SHISA9: variants seen among roughly 807,000 people sequenced by gnomAD.
The protein encoded by SHISA9 is shisa family member 9.
SHISA9 carries 13 observed loss-of-function variants against 38.0 expected under a neutral mutation model. The ratio of observed to expected loss-of-function variants is 0.34; its 90% CI spans 0.22 to 0.54. SHISA9 has a LOEUF of 0.54. SHISA9 is among the 20% of genes least tolerant of loss of function. SHISA9 has a pLI of 0.91. For synonymous variants in SHISA9, 275 were observed against 242.0 expected (o/e 1.14, Z -1.27); for missense variants, 538 against 575.8 (o/e 0.93, Z 0.67).
chr16:13,360,279 C>T, the SHISA9 span, among the ~76,000 whole-genome samples: 1 of 152,212 alleles, frequency 6.6e-6, no homozygotes, highest in South Asian at 2.1e-4. Context: ...CTGACGGTGT[C>T]CCACTTCAGT....
At chr16:12,941,231 A>C (rs568186016) in intron 2 of SHISA9, among the ~76,000 whole-genome samples, 1 of 152,104 alleles carries the variant, frequency 6.6e-6, no homozygotes, top group African/African-American at 2.4e-5. Flanking sequence ...TGTGCCTGTA[A>C]TCCTAGCTAC....
intron 2 of SHISA9, among the ~76,000 whole-genome samples, chr16:13,086,688 C>A (rs1802171625): frequency 6.6e-6 from 1 of 152,110 alleles, no homozygotes; most frequent in African/African-American, 2.4e-5. Flanking sequence ...AGAAAAAGAA[C>A]ATGTCAAGGC....
chr16:13,150,997 C>T (rs1202525913), intron 2 of SHISA9, among the ~76,000 whole-genome samples: 1 of 152,336 alleles, frequency 6.6e-6, no homozygotes, highest in East Asian at 1.9e-4. Context: ...AGTTACTCTA[C>T]CCCAATTATT....
At chr16:13,024,924 A>G (rs2072902204) in intron 2 of SHISA9, among the ~76,000 whole-genome samples, 1 of 152,158 alleles carries the variant, frequency 6.6e-6, no homozygotes, top group Non-Finnish European at 1.5e-5. Flanking sequence ...CATCTGTCAA[A>G]TGCAAGTGTG....
At chr16:13,272,735 G>A in the SHISA9 span, among the ~76,000 whole-genome samples, 1 of 152,168 alleles carries the variant, frequency 6.6e-6, no homozygotes, top group Non-Finnish European at 1.5e-5. Context: ...AGAATGCCTT[G>A]GCAGTTGGAA....
intron 2 of SHISA9, among the ~76,000 whole-genome samples, chr16:12,969,794 T>C (rs559987295): frequency 2.9e-4 from 44 of 152,206 alleles, no homozygotes; most frequent in Admixed American, 2.7e-3. Flanking sequence ...AAGTGTACAC[T>C]GGAAACAGAA....
At chr16:13,356,350 G>C in the SHISA9 span, among the ~76,000 whole-genome samples, 1 of 152,196 alleles carries the variant, frequency 6.6e-6, no homozygotes, top group Non-Finnish European at 1.5e-5. Context: ...TGCCAAACAA[G>C]TCATGAACTG....
intron 2 of SHISA9, among the ~76,000 whole-genome samples, chr16:13,133,893 G>A (rs1020574885): frequency 1.3e-5 from 2 of 152,240 alleles, no homozygotes; most frequent in South Asian, 2.1e-4. Context: ...TTTTATCATC[G>A]ACATTGTTTC....
At chr16:13,221,402 T>C (rs1435568548) in intron 4 of SHISA9, among the ~76,000 whole-genome samples, 1 of 151,592 alleles carries the variant, frequency 6.6e-6, no homozygotes, top group Non-Finnish European at 1.5e-5. Context: ...CACAACTTTA[T>C]ACCATGTAGT....
the SHISA9 span, among the ~76,000 whole-genome samples, chr16:13,431,744 G>T: frequency 6.6e-6 from 1 of 152,270 alleles, no homozygotes. Flanking sequence ...ATTAAGACCT[G>T]TAAGAAAATA....
intron 2 of SHISA9, among the ~76,000 whole-genome samples, chr16:13,029,690 C>A (rs2072967925): frequency 6.6e-6 from 1 of 152,158 alleles, no homozygotes; most frequent in Non-Finnish European, 1.5e-5. Flanking sequence ...GTGAAATAAA[C>A]CAGGCACAGA....
the SHISA9 span, among the ~76,000 whole-genome samples, chr16:13,472,138 G>A: frequency 1.3e-3 from 194 of 152,178 alleles, no homozygotes; most frequent in African/African-American, 4.4e-3. Context: ...TCATTGATCT[G>A]GAAAACATAT....
the SHISA9 span, among the ~76,000 whole-genome samples, chr16:13,495,331 C>G: frequency 6.6e-6 from 1 of 151,996 alleles, no homozygotes. Context: ...CAGGATGGTA[C>G]CTGAGGAAGC....
At chr16:13,529,813 G>C in the SHISA9 span, among the ~76,000 whole-genome samples, 16 of 152,236 alleles carry the variant, frequency 1.1e-4, no homozygotes, top group Non-Finnish European at 2.1e-4. Context: ...AGGCAGTGCC[G>C]TTCCCTGGTA....
intron 2 of SHISA9, among the ~76,000 whole-genome samples, chr16:13,015,418 C>G (rs2072729076): frequency 6.6e-6 from 1 of 152,208 alleles, no homozygotes; most frequent in African/African-American, 2.4e-5. Context: ...GGTCAAAGCT[C>G]AAAGATGTTA....
chr16:13,355,418 G>T, the SHISA9 span, among the ~76,000 whole-genome samples: 39 of 151,844 alleles, frequency 2.6e-4, no homozygotes, highest in African/African-American at 6.8e-4. Flanking sequence ...GGGTTAAGGT[G>T]GGGGGATACA....
At chr16:13,543,303 G>A in the SHISA9 span, among the ~76,000 whole-genome samples, 2 of 152,160 alleles carry the variant, frequency 1.3e-5, no homozygotes, top group Non-Finnish European at 2.9e-5. Context: ...CAATACAGTG[G>A]TCATGGTAGG....
chr16:13,203,200 C>T lies in SHISA9; in HGVS notation c.692-194C>T, dbSNP rs532092033. ...TGAGATGATGTCAGAAAAACACCCA[C>T]CTGTCCTCATTTGCTCTCCAGTGAA... On this transcript the variant is annotated intron_variant, in intron 2 of 4. Transcript: ENST00000558583. 7 of 424,806 alleles carry T rather than the reference C, an allele frequency of 1.6e-5. No individual in the cohort carries two copies. In the South Asian group the frequency reaches 7.3e-4, roughly 44 times the overall value. The allele number at this position is 424,806 out of a possible 1,614,324, so 26.3% of individuals were successfully genotyped here.
At chr16:13,043,707 G>A (rs958975540) in intron 2 of SHISA9, among the ~76,000 whole-genome samples, 3 of 152,148 alleles carry the variant, frequency 2.0e-5, no homozygotes, top group African/African-American at 7.2e-5. Flanking sequence ...CCAGAGCCAT[G>A]CACTTTACAC....
Sources: allele counts gnomAD v4.1 joint callset (sites outside exome capture counted in the v4.1 genomes callset), GRCh38; gene constraint gnomAD v4.1.1; transcripts MANE v1.5; gene names NCBI Gene and HGNC (gene_info 2026-07-23, HGNC 2026-07-21).